Variants in VWA3B observed in about 807,000 individuals in gnomAD.
VWA3B encodes von Willebrand factor A domain-containing protein 3B.
Under a neutral mutation model 158.3 loss-of-function variants are expected in VWA3B, and 138 were observed. That is an observed-to-expected ratio of 0.87 (90% CI 0.76 to 1.00). The LOEUF is 1.00. Ranked by LOEUF, VWA3B falls within the 50% of genes least tolerant of loss-of-function variation. VWA3B has a pLI of 0.00. For missense variants in VWA3B, 1,555 were observed against 1,565.1 expected (o/e 0.99, Z 0.11); for synonymous variants, 596 against 587.3 (o/e 1.01, Z -0.21).
intron 5 of VWA3B, chr2:98,128,020 C>G (rs1024558912): frequency 8.1e-6 from 4 of 496,034 alleles, no homozygotes; most frequent in African/African-American, 1.9e-5. Context: ...GTGCCTTACC[C>G]AAGACAATAG....
chr2:98,310,504 G>T (rs1372085588), intron 26 of VWA3B, among the ~76,000 whole-genome samples: 1 of 152,126 alleles, frequency 6.6e-6, no homozygotes, highest in Admixed American at 6.5e-5. Flanking sequence ...ATAGCTTAGG[G>T]ACTGGACTGT....
At position 98,312,446 on chromosome 2, in the gene VWA3B, G is replaced by C; in HGVS notation, c.*97G>C. On this transcript the variant is annotated 3_prime_UTR_variant, in exon 28 of 28. Transcript: ENST00000477737. ...GAAACTGGCCCCTCCGCGGAGGTAA[G>C]GCCGCCCTCCGCGCCGCCTATGCCT... 1 of 1,467,248 alleles carries C rather than the reference G, an allele frequency of 6.8e-7. No individual in the cohort carries two copies. The highest frequency in any genetic ancestry group is 2.3e-5 in the East Asian group (1 of 43,212). 90.9% of individuals were successfully genotyped at this position (1,467,248 alleles called of 1,614,324 possible).
intron 22 of VWA3B, among the ~76,000 whole-genome samples, chr2:98,275,526 TG>T (rs1222650360): frequency 6.6e-6 from 1 of 152,156 alleles, no homozygotes; most frequent in East Asian, 1.9e-4. Context: ...GTCACACAGC[TG>T]GAAGATGGCA....
the VWA3B span, among the ~76,000 whole-genome samples, chr2:98,325,839 A>T: frequency 1.3e-5 from 2 of 152,174 alleles, no homozygotes; most frequent in Non-Finnish European, 2.9e-5. Context: ...ACCAGTAGAG[A>T]TTATCTCAAC....
chr2:98,257,699 A>C (rs1687240610), intron 21 of VWA3B, among the ~76,000 whole-genome samples: 1 of 152,050 alleles, frequency 6.6e-6, no homozygotes, highest in South Asian at 2.1e-4. Flanking sequence ...ATGTTTATTC[A>C]AGTTCTTTGT....
At chr2:98,219,543 A>G (rs1226678877) in intron 14 of VWA3B, among the ~76,000 whole-genome samples, 1 of 152,226 alleles carries the variant, frequency 6.6e-6, no homozygotes, top group Non-Finnish European at 1.5e-5. Flanking sequence ...GTGGCCAAAA[A>G]TTTTCCAAAT....
chr2:98,325,734 A>T, the VWA3B span, among the ~76,000 whole-genome samples: 1 of 152,216 alleles, frequency 6.6e-6, no homozygotes, highest in Admixed American at 6.5e-5. Context: ...GGGTGAATGG[A>T]CATACATGGT....
chr2:98,306,905 T>C (rs1166785716), intron 26 of VWA3B, among the ~76,000 whole-genome samples: 1 of 152,048 alleles, frequency 6.6e-6, no homozygotes, highest in Non-Finnish European at 1.5e-5. Context: ...AGAGACTGAG[T>C]TTAATGCTCA....
At chr2:98,149,589 G>A (rs1297225045) in intron 7 of VWA3B, among the ~76,000 whole-genome samples, 1 of 152,194 alleles carries the variant, frequency 6.6e-6, no homozygotes, top group African/African-American at 2.4e-5. Flanking sequence ...GATTGATTGT[G>A]GAAAGCAACC....
the VWA3B span, among the ~76,000 whole-genome samples, chr2:98,329,389 CAAAT>C: frequency 6.6e-6 from 1 of 152,008 alleles, no homozygotes; most frequent in Non-Finnish European, 1.5e-5. Context: ...AACAAGGAAA[CAAAT>C]AAGCAAACCA....
chr2:98,242,258 G>A (rs1472029088), intron 19 of VWA3B: 1 of 456,178 alleles, frequency 2.2e-6, no homozygotes, highest in East Asian at 7.0e-5. Context: ...GGTTTTCAGT[G>A]TTTCCCGGAC....
rs10209320 is a variant in VWA3B at position 98,227,393 on chromosome 2, G to T, written c.2020-809G>T. Among the ~76,000 whole-genome samples, 1,199 of 152,222 alleles carry T rather than the reference G, an allele frequency of 7.9e-3. 16 individuals carry two copies. Among genetic ancestry groups the T allele is most frequent in the African/African-American group, 0.027 (1,129 of 41,552 alleles). On this transcript the variant is annotated intron_variant, in intron 14 of 27. Transcript: ENST00000477737. ...ACATGGTCCAATCATTCTACTCCTAGATATTTATTCAGGAGGAATGAAAGC... is the reference window on the plus strand; with the variant it reads ...ACATGGTCCAATCATTCTACTCCTATATATTTATTCAGGAGGAATGAAAGC...
chr2:98,195,694 C>G (rs1681985100), intron 12 of VWA3B, among the ~76,000 whole-genome samples: 1 of 151,954 alleles, frequency 6.6e-6, no homozygotes, highest in Non-Finnish European at 1.5e-5. Context: ...AATCTCATTG[C>G]ATAAAAACAT....
At chr2:98,307,260 C>T (rs948414660) in intron 26 of VWA3B, among the ~76,000 whole-genome samples, 3 of 152,124 alleles carry the variant, frequency 2.0e-5, no homozygotes, top group Non-Finnish European at 2.9e-5. Context: ...GAGAGTACAC[C>T]GAACAAAGGA....
intron 2 of VWA3B, among the ~76,000 whole-genome samples, chr2:98,109,521 G>T (rs1475953103): frequency 6.6e-6 from 1 of 151,970 alleles, no homozygotes; most frequent in African/African-American, 2.4e-5. Context: ...CTAGAATTTT[G>T]GTTCAACCAT....
intron 20 of VWA3B, among the ~76,000 whole-genome samples, chr2:98,254,133 G>A (rs779634927): frequency 5.3e-5 from 8 of 152,160 alleles, no homozygotes; most frequent in Non-Finnish European, 5.9e-5. Flanking sequence ...AACCTGGAGG[G>A]AATAAACATT....
chr2:98,134,695 T>G (rs1676131684), intron 7 of VWA3B, among the ~76,000 whole-genome samples: 2 of 152,088 alleles, frequency 1.3e-5, no homozygotes, highest in South Asian at 4.1e-4. Context: ...CTCCCTCTTT[T>G]TAAATTATCA....
chr2:98,212,234 A>G (rs1283717806), intron 13 of VWA3B: 1 of 492,434 alleles, frequency 2.0e-6, no homozygotes, highest in Admixed American at 3.2e-5. Context: ...TGAGACAGTG[A>G]ATGTTGCCTG....
intron 12 of VWA3B, among the ~76,000 whole-genome samples, chr2:98,211,685 T>TGTC (rs151319823): frequency 0.047 from 7,176 of 152,298 alleles, 248 homozygotes; most frequent in Middle Eastern, 0.082. Flanking sequence ...TTAAGAGCTC[T>TGTC]GTCAAGACAG....
Sources: allele counts gnomAD v4.1 joint callset (sites outside exome capture counted in the v4.1 genomes callset), GRCh38; gene constraint gnomAD v4.1.1; transcripts MANE v1.5; gene names NCBI Gene and HGNC (gene_info 2026-07-23, HGNC 2026-07-21).